Variants in STPG2 observed in about 807,000 individuals in gnomAD.
STPG2 encodes sperm-tail PG-rich repeat-containing protein 2.
A neutral mutation model predicts 54.2 loss-of-function variants in STPG2; 56 were observed. The observed-to-expected ratio is 1.03, with a 90% CI of 0.83 to 1.29. STPG2 has a LOEUF of 1.29. Among genes scored for constraint, STPG2 ranks in the 50% most tolerant of loss-of-function variants. The pLI is 0.00. For missense variants in STPG2, 596 were observed against 544.9 expected, an observed-to-expected ratio of 1.09 and a Z score of -0.93; for synonymous variants, 200 against 181.8, an observed-to-expected ratio of 1.10 and a Z score of -0.81.
intron 10 of STPG2, among the ~76,000 whole-genome samples, chr4:97,566,597 G>A (rs986008606): frequency 1.3e-5 from 2 of 151,956 alleles, no homozygotes; most frequent in African/African-American, 4.8e-5. Flanking sequence ...GTTTATTGCG[G>A]CACTATTCAC....
intron 6 of STPG2, 44 bp downstream of exon 6, chr4:97,981,115 C>A: frequency 6.3e-7 from 1 of 1,581,014 alleles, no homozygotes; most frequent in Non-Finnish European, 8.6e-7. Context: ...CATTAAGTTT[C>A]TTTATAAAGC....
intron 7 of STPG2, among the ~76,000 whole-genome samples, chr4:97,958,337 C>A (rs953974291): frequency 2.0e-5 from 3 of 151,388 alleles, no homozygotes; most frequent in Non-Finnish European, 4.4e-5. Flanking sequence ...AAGAAAAAAA[C>A]CAAGGTATAC....
intron 5 of STPG2, among the ~76,000 whole-genome samples, chr4:98,100,275 A>G (rs1294335181): frequency 6.6e-6 from 1 of 152,174 alleles, no homozygotes; most frequent in East Asian, 1.9e-4. Context: ...TATATGTTTT[A>G]AAAAGAGAAT....
At chr4:97,811,210 A>G (rs1315820101) in intron 9 of STPG2, among the ~76,000 whole-genome samples, 1 of 152,072 alleles carries the variant, frequency 6.6e-6, no homozygotes, top group Non-Finnish European at 1.5e-5. Flanking sequence ...AAAAAAAAAA[A>G]TCCGTTGGAG....
intron 10 of STPG2, among the ~76,000 whole-genome samples, chr4:97,705,916 T>G (rs542809101): frequency 6.6e-6 from 1 of 151,916 alleles, no homozygotes; most frequent in Admixed American, 6.6e-5. Context: ...ACATATCTAA[T>G]ATATAATAAC....
At chr4:98,027,109 C>T (rs1214433238) in intron 5 of STPG2, among the ~76,000 whole-genome samples, 1 of 152,072 alleles carries the variant, frequency 6.6e-6, no homozygotes, top group African/African-American at 2.4e-5. Flanking sequence ...GGCCAATGTT[C>T]CCAGGGGAAA....
rs1374348948 is a variant in STPG2 at position 98,075,486 on chromosome 4, G to A, written c.612+30467C>T. On this transcript the variant is annotated intron_variant, in intron 5 of 10. Coordinates refer to ENST00000295268, the MANE Select transcript of STPG2 (RefSeq NM_174952.3). ...CCACTTACAAATAAAAAGATGCCTT[G>A]ATAGAAAAAGTTTCAGAGAATGTCA... Among the ~76,000 whole-genome samples, 3 of 152,276 alleles carry A rather than the reference G, an allele frequency of 2.0e-5. No individual in the cohort carries two copies. The East Asian group carries it at 5.8e-4, about 29-fold the overall frequency.
chr4:98,072,875 G>A (rs920854097), intron 5 of STPG2, among the ~76,000 whole-genome samples: 1 of 152,118 alleles, frequency 6.6e-6, no homozygotes, highest in Admixed American at 6.5e-5. Context: ...CTGCTTTATT[G>A]CTTGACCTTA....
At chr4:97,687,688 T>G (rs1013196094) in intron 10 of STPG2, among the ~76,000 whole-genome samples, 1 of 152,140 alleles carries the variant, frequency 6.6e-6, no homozygotes, top group Non-Finnish European at 1.5e-5. Context: ...CACCTGACTG[T>G]GTGAAATGAG....
intron 8 of STPG2, among the ~76,000 whole-genome samples, chr4:97,900,851 A>G (rs1006317698): frequency 6.6e-6 from 1 of 152,028 alleles, no homozygotes. Flanking sequence ...GTAACGAAAT[A>G]ATCTTTACAA....
At chr4:97,518,637 C>T (rs557850463) in intron 4 of STPG2, among the ~76,000 whole-genome samples, 8 of 151,922 alleles carry the variant, frequency 5.3e-5, no homozygotes, top group African/African-American at 1.2e-4. Context: ...TTGGTAAATA[C>T]GATCCATTCA....
At chr4:97,755,836 T>C (rs567085882) in intron 9 of STPG2, among the ~76,000 whole-genome samples, 27 of 152,306 alleles carry the variant, frequency 1.8e-4, no homozygotes, top group Non-Finnish European at 3.4e-4. Context: ...TGTTCTTTGG[T>C]TTTGAATTTT....
intron 5 of STPG2, among the ~76,000 whole-genome samples, chr4:98,059,641 CAAAA>C (rs33990276): frequency 2.2e-5 from 3 of 137,288 alleles, no homozygotes; most frequent in Non-Finnish European, 1.6e-5. Flanking sequence ...AATATCAATG[CAAAA>C]AAAAAAAAAA....
chr4:97,745,263 C>CAAA (rs75326963), intron 9 of STPG2, among the ~76,000 whole-genome samples: 4 of 101,128 alleles, frequency 4.0e-5, no homozygotes, highest in African/African-American at 6.1e-5. Flanking sequence ...AACAAAAAAA[C>CAAA]AAAAAAAAAA....
chr4:98,111,576 G>A (rs1739348468), intron 3 of STPG2, among the ~76,000 whole-genome samples: 1 of 152,068 alleles, frequency 6.6e-6, no homozygotes, highest in Non-Finnish European at 1.5e-5. Flanking sequence ...TAATATATAA[G>A]CACAATAGAA....
downstream of STPG2, among the ~76,000 whole-genome samples, chr4:97,558,680 C>T (rs532834112): frequency 1.3e-5 from 2 of 152,278 alleles, no homozygotes; most frequent in South Asian, 2.1e-4. Flanking sequence ...GCCAAACCTC[C>T]ATGTGACTGA....
chr4:97,769,571 T>C (rs2149061182), intron 9 of STPG2, among the ~76,000 whole-genome samples: 1 of 152,184 alleles, frequency 6.6e-6, no homozygotes, highest in Admixed American at 6.5e-5. Context: ...TACAATAAAA[T>C]AGACCTAATA....
chr4:97,479,138 A>G (rs910929046), intron 4 of STPG2, among the ~76,000 whole-genome samples: 3 of 151,872 alleles, frequency 2.0e-5, no homozygotes, highest in African/African-American at 7.3e-5. Flanking sequence ...ATGCATGTGT[A>G]TACACACACA....
chr4:98,137,262 G>C (rs1740160433), intron 1 of STPG2, among the ~76,000 whole-genome samples: 1 of 151,466 alleles, frequency 6.6e-6, no homozygotes, highest in Admixed American at 6.6e-5. Flanking sequence ...ACTTCATAAT[G>C]ATAAAGGGGT....
Sources: allele counts gnomAD v4.1 joint callset (sites outside exome capture counted in the v4.1 genomes callset), GRCh38; gene constraint gnomAD v4.1.1; transcripts MANE v1.5; gene names NCBI Gene and HGNC (gene_info 2026-07-23, HGNC 2026-07-21).